The following EPHA6 variants were observed in gnomAD, a reference collection of about 807,000 sequenced individuals.
EPHA6 encodes EPH receptor A6.
Under a neutral mutation model 112.0 loss-of-function variants are expected in EPHA6, and 50 were observed. The observed-to-expected ratio is 0.45, with a 90% confidence interval of 0.36 to 0.56. The LOEUF is 0.56. Ranked by LOEUF, EPHA6 falls within the 20% of genes least tolerant of loss-of-function variation. The pLI is 0.00. For synonymous variants in EPHA6, 529 were observed against 490.7 expected (o/e 1.08, Z -1.03); for missense variants, 1,280 against 1,417.4 (o/e 0.90, Z 1.56).
chr3:96,976,257 T>C (rs528191623), intron 2 of EPHA6, among the ~76,000 whole-genome samples: 2 of 152,280 alleles, frequency 1.3e-5, no homozygotes, highest in African/African-American at 4.8e-5. Flanking sequence ...TCCCTCTGGC[T>C]TATTGAATTT....
At chr3:97,557,990 C>T (rs2093136666) in intron 11 of EPHA6, among the ~76,000 whole-genome samples, 1 of 151,980 alleles carries the variant, frequency 6.6e-6, no homozygotes, top group Admixed American at 6.6e-5. Context: ...CTTTGATCAA[C>T]TCCACTTAAC....
chr3:97,584,639 G>A (rs1432450601), intron 11 of EPHA6, among the ~76,000 whole-genome samples: 1 of 152,098 alleles, frequency 6.6e-6, no homozygotes, highest in African/African-American at 2.4e-5. Flanking sequence ...GAAGAGAATA[G>A]CAAGTAAGTT....
intron 1 of EPHA6, among the ~76,000 whole-genome samples, chr3:96,830,468 A>G (rs1373826236): frequency 1.3e-5 from 2 of 152,034 alleles, no homozygotes; most frequent in East Asian, 3.9e-4. Context: ...AAATTACTGT[A>G]CTTATTTTAC....
At chr3:97,414,237 C>T (rs2087943716) in intron 6 of EPHA6, among the ~76,000 whole-genome samples, 1 of 151,954 alleles carries the variant, frequency 6.6e-6, no homozygotes, top group Admixed American at 6.6e-5. Context: ...ATTTGTATTA[C>T]TTAATATATT....
At chr3:97,365,507 C>T (rs2084669474) in intron 5 of EPHA6, among the ~76,000 whole-genome samples, 1 of 152,002 alleles carries the variant, frequency 6.6e-6, no homozygotes, top group Admixed American at 6.5e-5. Context: ...TCTCCTACCT[C>T]AGCCTCCTGA....
chr3:97,720,376 GA>G lies in EPHA6; in HGVS notation c.2901del (p.Glu968ArgfsTer35), dbSNP rs2034472469. 1 of 1,603,046 alleles carries G rather than the reference GA, an allele frequency of 6.2e-7. No homozygotes were observed. The highest frequency in any genetic ancestry group is 8.5e-7 in the Non-Finnish European group (1 of 1,175,764). On this transcript the variant is annotated frameshift_variant, in exon 15 of 18. Transcript: ENST00000389672. LOFTEE classifies it high-confidence loss of function. ...GTCATGTGGGAGGTCATGTCCTATGGAGAGAGACCTTATTGGGAAATGTCTA... is the reference window on the plus strand; with the variant it reads ...GTCATGTGGGAGGTCATGTCCTATGGGAGAGACCTTATTGGGAAATGTCTA... Reference protein sequence around the residue: ...GIVMWEVMSYGERPYWEMSNQ... With the variant: ...GIVMWEVMSYXERPYWEMSNQ...
chr3:96,967,972 G>A (rs1031137456), intron 2 of EPHA6, among the ~76,000 whole-genome samples: 1 of 151,622 alleles, frequency 6.6e-6, no homozygotes, highest in Non-Finnish European at 1.5e-5. Context: ...TTTGTCTTCT[G>A]TATCCTTTGT....
At chr3:96,951,496 A>T (rs1025315691) in intron 2 of EPHA6, among the ~76,000 whole-genome samples, 1 of 152,128 alleles carries the variant, frequency 6.6e-6, no homozygotes, top group South Asian at 2.1e-4. Context: ...TATATTTTCT[A>T]TTAAGAATAT....
intron 10 of EPHA6, among the ~76,000 whole-genome samples, chr3:97,500,695 A>C (rs988528262): frequency 3.3e-5 from 5 of 152,192 alleles, no homozygotes; most frequent in African/African-American, 4.8e-5. Flanking sequence ...TCTCCTGCTA[A>C]GGTTCCAAAA....
intron 5 of EPHA6, among the ~76,000 whole-genome samples, chr3:97,347,980 T>G (rs1418950284): frequency 6.6e-6 from 1 of 152,110 alleles, no homozygotes; most frequent in Non-Finnish European, 1.5e-5. Context: ...ATTTACATTG[T>G]CAGCAAAACT....
At chr3:97,329,879 T>C (rs2082695136) in intron 5 of EPHA6, among the ~76,000 whole-genome samples, 1 of 152,082 alleles carries the variant, frequency 6.6e-6, no homozygotes, top group Non-Finnish European at 1.5e-5. Context: ...GTTTTAGACA[T>C]GAAGTCCTAG....
intron 3 of EPHA6, among the ~76,000 whole-genome samples, chr3:97,148,857 C>T (rs2076102953): frequency 6.6e-6 from 1 of 151,972 alleles, no homozygotes; most frequent in South Asian, 2.1e-4. Context: ...TATCAGGGAA[C>T]ACATTTGAGG....
At chr3:96,990,693 A>C (rs1239111401) in intron 3 of EPHA6, among the ~76,000 whole-genome samples, 2 of 152,114 alleles carry the variant, frequency 1.3e-5, no homozygotes, top group African/African-American at 4.8e-5. Flanking sequence ...ATAGTGCACT[A>C]CCACCAGTGT....
intron 2 of EPHA6, among the ~76,000 whole-genome samples, chr3:96,942,925 A>G (rs1466847523): frequency 6.6e-6 from 1 of 152,158 alleles, no homozygotes; most frequent in Middle Eastern, 3.2e-3. Flanking sequence ...TTCATAGTCA[A>G]CTTACTGTGC....
At chr3:97,524,055 T>C in intron 10 of EPHA6, among the ~76,000 whole-genome samples, 1 of 152,066 alleles carries the variant, frequency 6.6e-6, no homozygotes, top group East Asian at 1.9e-4. Flanking sequence ...TAGACATTAT[T>C]TTAACTGTAG....
intron 2 of EPHA6, among the ~76,000 whole-genome samples, chr3:96,938,883 G>T (rs2040762997): frequency 6.6e-6 from 1 of 152,098 alleles, no homozygotes; most frequent in South Asian, 2.1e-4. Context: ...TTTGTCTTTG[G>T]TTCTGTTTAC....
chr3:97,468,242 A>T (rs748014475), intron 7 of EPHA6, among the ~76,000 whole-genome samples: 10 of 151,532 alleles, frequency 6.6e-5, no homozygotes, highest in South Asian at 2.1e-4. Context: ...TAATCAGCTT[A>T]CTTGAATGGA....
At chr3:97,723,008 A>AT (rs2034601665) in intron 15 of EPHA6, among the ~76,000 whole-genome samples, 1 of 152,184 alleles carries the variant, frequency 6.6e-6, no homozygotes, top group South Asian at 2.1e-4. Flanking sequence ...GGGTGAGATG[A>AT]TTTTTAATAT....
At chr3:96,988,814 A>T (rs1323145935) in intron 3 of EPHA6, among the ~76,000 whole-genome samples, 1 of 152,120 alleles carries the variant, frequency 6.6e-6, no homozygotes, top group Non-Finnish European at 1.5e-5. Flanking sequence ...TTAGAACTAT[A>T]CCTTTCACAT....
Sources: gnomAD v4.1 joint callset for allele counts (sites outside exome capture counted in the v4.1 genomes callset) on GRCh38, gnomAD v4.1.1 for gene constraint, MANE v1.5 for transcripts, NCBI Gene and HGNC (gene_info 2026-07-23, HGNC 2026-07-21) for gene names.